Variants in HGS observed in about 807,000 individuals in gnomAD.
The protein encoded by HGS is hepatocyte growth factor-regulated tyrosine kinase substrate, also known as human growth factor-regulated tyrosine kinase substrate.
HGS carries 63 observed loss-of-function variants against 109.7 expected under a neutral mutation model. The observed-to-expected ratio is 0.57, with a 90% CI of 0.47 to 0.71. The LOEUF (loss-of-function observed/expected upper bound fraction) is 0.71. Among genes scored for constraint, HGS ranks in the 30% least tolerant of loss-of-function variants. The pLI, the probability that HGS is intolerant of heterozygous loss-of-function variation, is 0.00. For synonymous variants in HGS, 546 were observed against 437.3 expected, an observed-to-expected ratio of 1.25 and a Z score of -3.10; for missense variants, 995 against 1,068.3, an observed-to-expected ratio of 0.93 and a Z score of 0.96.
chr17:81,701,209 C>T (rs922278809), intron 21 of HGS, 78 bp downstream of exon 21: 3 of 1,286,976 alleles, frequency 2.3e-6, no homozygotes, highest in South Asian at 1.2e-5. Flanking sequence ...GGACCCCTGG[C>T]CCCAGTGGGG....
chr17:81,688,147 C>T (rs1391142958), intron 4 of HGS, among the ~76,000 whole-genome samples: 1 of 151,710 alleles, frequency 6.6e-6, no homozygotes, highest in Admixed American at 6.5e-5. Context: ...CGCCGTCCTG[C>T]ACGTCACACC....
chr17:81,691,660 T>A lies in HGS; in HGVS notation c.662+89T>A. The A allele has an allele frequency of 6.5e-7, 1 of 1,527,472 alleles. No homozygotes were observed. Among genetic ancestry groups the A allele is most frequent in the Non-Finnish European group, 9.0e-7 (1 of 1,111,438 alleles). 94.6% of individuals were successfully genotyped at this position (1,527,472 alleles called of 1,614,324 possible). A position where few individuals can be genotyped will look rare whatever the true frequency, so the allele number is the denominator to read the frequency against. ...CCTCTTGGCCATGGTGCCTGAGGCC[T>A]GCAGACCCCAGAGGACCCTCACAGC... On this transcript the variant is annotated intron_variant, in intron 8 of 21. Transcript: ENST00000329138. This position sits in a 1 kb window ranked among gnomAD's most constrained non-coding sequence, Gnocchi z 5.3.
chr17:81,694,310 C>T (rs535369882), intron 11 of HGS, among the ~76,000 whole-genome samples: 14 of 152,336 alleles, frequency 9.2e-5, no homozygotes, highest in Middle Eastern at 6.8e-3. Flanking sequence ...TGGCCTCAGC[C>T]CCGCTCTCAG....
chr17:81,690,689 G>T lies in HGS; in HGVS notation c.484G>T (p.Asp162Tyr). 6.2e-7 allele frequency: 1 copy of T among 1,613,064 alleles called. No individual in the cohort carries two copies. Among genetic ancestry groups the T allele is most frequent in the Non-Finnish European group, 8.5e-7 (1 of 1,179,754 alleles). ...FAAERAPDWVDAEECHRCRVQ... is the reference protein window; with the variant it reads ...FAAERAPDWVYAEECHRCRVQ... ...CCCTCCTCAGGCCCCAGACTGGGTG[G>T]ACGCTGAGGAATGCCACCGCTGCAG... The change falls in exon 7 of 22, where the codon GAC (aspartate) becomes TAC (tyrosine). Residue 162 changes from aspartate to tyrosine, a missense_variant. Coordinates refer to ENST00000329138, the MANE Select transcript of HGS (RefSeq NM_004712.5).
chr17:81,686,983 C>T lies in HGS; in HGVS notation c.199-20C>T. ...TGCCCTGACCACTGGCCCAACCCTT[C>T]CCTTCCTGGGCATCTGCAGGTCATG... On this transcript the variant is annotated intron_variant, in intron 3 of 21. Coordinates refer to ENST00000329138, the MANE Select transcript of HGS (RefSeq NM_004712.5). 3 of 1,605,336 alleles carry T rather than the reference C, an allele frequency of 1.9e-6. No individual in the cohort carries two copies. The highest frequency in any genetic ancestry group is 2.6e-6 in the Non-Finnish European group (3 of 1,174,212).
chr17:81,686,977 AC>A (rs1233027952), intron 3 of HGS, 25 bp from the exon 4 acceptor site: 2 of 1,599,738 alleles, frequency 1.3e-6, no homozygotes, highest in African/African-American at 1.3e-5. Context: ...CACTGGCCCA[AC>A]CCTTCCCTTC....
chr17:81,700,522 G>A lies in HGS; in HGVS notation c.1938G>A (p.Ala646=), dbSNP rs377212393. 7.7e-5 allele frequency: 124 copies of A among 1,607,964 alleles called. No individual in the cohort carries two copies. In the African/African-American group the frequency reaches 9.8e-4, roughly 13 times the overall value. ...CAGCAGGGGCCACTGGGGCGCAGGC[G>A]GCCCCCCAGGCCCAGGCCGGACCCA... is the stretch of plus-strand genomic sequence containing the variant. The part of the protein sequence containing the change: ...MYPAGATGAQ[A]APQAQAGPTA... Residue 646 remains alanine, a synonymous_variant, in exon 19 of 22, where the codon GCG becomes GCA. Transcript: ENST00000329138.
At position 81,701,565 on chromosome 17, in the gene HGS, G is replaced by A. The variant is rs1409855449; in HGVS notation, c.2281G>A (p.Ala761Thr). Residue 761 changes from alanine to threonine, a missense_variant, in exon 22 of 22, where the codon GCA becomes ACA. By Grantham distance (58) the Ala-to-Thr change is moderately conservative. Transcript: ENST00000329138. ...QQPPVAQQPQAQGPPAQGSEA... is the reference protein window; with the variant it reads ...QQPPVAQQPQTQGPPAQGSEA... ...GCCCCCCGTGGCCCAGCAACCGCAG[G>A]CACAGGGGCCGCCGGCACAGGGCAG... 4 of 1,572,036 alleles carry A rather than the reference G, an allele frequency of 2.5e-6. No homozygotes were observed. The highest frequency in any genetic ancestry group is 3.4e-6 in the Non-Finnish European group (4 of 1,166,280).
Position 81,691,687 on chromosome 17 carries a change from C to G in HGS, c.662+116C>G. 2 of 1,369,214 alleles carry G rather than the reference C, an allele frequency of 1.5e-6. No individual in the cohort carries two copies. Among genetic ancestry groups the G allele is most frequent in the Non-Finnish European group, 2.0e-6 (2 of 983,364 alleles). The allele number at this position is 1,369,214 out of a possible 1,614,324, so 84.8% of individuals were successfully genotyped here. On this transcript the variant is annotated intron_variant, in intron 8 of 21. Coordinates refer to ENST00000329138, the MANE Select transcript of HGS (RefSeq NM_004712.5). The surrounding 1 kb of genome is among the most constrained non-coding windows in gnomAD (Gnocchi z 5.3). ...CAGACCCCAGAGGACCCTCACAGCACAGCAGCTGGAAGGTCAAGGGAAACC... is the reference window on the plus strand; with the variant it reads ...CAGACCCCAGAGGACCCTCACAGCAGAGCAGCTGGAAGGTCAAGGGAAACC...
intron 3 of HGS, among the ~76,000 whole-genome samples, chr17:81,686,681 C>T (rs1234717294): frequency 2.6e-5 from 4 of 152,258 alleles, no homozygotes; most frequent in South Asian, 4.1e-4. Flanking sequence ...GACTTGGCGT[C>T]ACGGAGCGGT....
At chr17:81,685,222 G>T (rs543345136) in intron 1 of HGS, among the ~76,000 whole-genome samples, 185 of 152,320 alleles carry the variant, frequency 1.2e-3, no homozygotes, top group Middle Eastern at 3.4e-3. Flanking sequence ...GGCGAACGGG[G>T]ACTCCAAGGG....
intron 13 of HGS, 35 bp downstream of exon 13, chr17:81,695,102 G>A: frequency 1.2e-6 from 2 of 1,612,694 alleles, no homozygotes. Flanking sequence ...CTAGTGGCAG[G>A]GTCCCTTGGA....
In HGS at chr17:81,688,814, C is replaced by G. The variant is rs769176696; in HGVS notation, c.402C>G (p.Ile134Met). Residue 134 changes from isoleucine to methionine, a missense_variant, in exon 5 of 22, where the codon ATC becomes ATG. Coordinates refer to ENST00000329138, the MANE Select transcript of HGS (RefSeq NM_004712.5). ...AGGTGGTCCAGGACACCTACCAGAT[C>G]ATGAAGGTGGAGGGTGAGTCAGGAC... The part of the protein sequence containing the change: ...KYKVVQDTYQ[I>M]MKVEGHVFPE... The G allele has an allele frequency of 1.9e-6, 3 of 1,614,138 alleles. No individual in the cohort carries two copies. The South Asian group carries it at 3.3e-5, about 18-fold the overall frequency.
rs1435758188 is a variant in HGS, at chr17:81,686,999, G to C, written c.199-4G>C. 6.2e-7 allele frequency: 1 copy of C among 1,612,024 alleles called. No homozygotes were observed. The highest frequency in any genetic ancestry group is 8.5e-7 in the Non-Finnish European group (1 of 1,179,200). ...CCAACCCTTCCCTTCCTGGGCATCTGCAGGTCATGGAATCTGTGGTAAAGA... is the reference window on the plus strand; with the variant it reads ...CCAACCCTTCCCTTCCTGGGCATCTCCAGGTCATGGAATCTGTGGTAAAGA... On this transcript the variant is annotated splice_polypyrimidine_tract_variant and splice_region_variant and intron_variant, in intron 3 of 21. Transcript: ENST00000329138.
chr17:81,701,843 A>G lies in HGS; in HGVS notation c.*225A>G. 1 of 584,420 alleles carries G rather than the reference A, an allele frequency of 1.7e-6. No homozygotes were observed. Among genetic ancestry groups the G allele is most frequent in the Middle Eastern group, 3.0e-4 (1 of 3,368 alleles). The allele number at this position is 584,420 out of a possible 1,614,324, so 36.2% of individuals were successfully genotyped here. A position where few individuals can be genotyped will look rare whatever the true frequency, so the allele number is the denominator to read the frequency against. ...CCCCAGGGCTGGGCCATGGGGAGGG[A>G]AGGACTTTCTCCCAGGGGAAGCCCC... On this transcript the variant is annotated 3_prime_UTR_variant, in exon 22 of 22. Coordinates refer to ENST00000329138, the MANE Select transcript of HGS (RefSeq NM_004712.5).
Position 81,693,556 on chromosome 17 carries a change from C to T in HGS, c.716C>T (p.Thr239Ile), listed in dbSNP as rs1317017983. 12 of 1,612,464 alleles carry T rather than the reference C, an allele frequency of 7.4e-6. No homozygotes were observed. Among genetic ancestry groups the T allele is most frequent in the Non-Finnish European group, 9.3e-6 (11 of 1,179,080 alleles). The change falls in exon 9 of 22, where the codon ACC becomes ATC. Residue 239 changes from threonine (T) to isoleucine (I), a missense_variant. Physicochemically the swap from Thr to Ile is moderately conservative, Grantham distance 89. Coordinates refer to ENST00000329138, the MANE Select transcript of HGS (RefSeq NM_004712.5). ...STTELPPEYLTSPLSQQSQLP... is the reference protein window; with the variant it reads ...STTELPPEYLISPLSQQSQLP... ...ACTGAGCTGCCCCCCGAGTACCTGACCAGCCCCCTGTCTCAGCAGTCCCAG... is the reference window on the plus strand; with the variant it reads ...ACTGAGCTGCCCCCCGAGTACCTGATCAGCCCCCTGTCTCAGCAGTCCCAG...
chr17:81,696,595 T>C lies in HGS; in HGVS notation c.1567-12T>C. On this transcript the variant is annotated splice_polypyrimidine_tract_variant and intron_variant, in intron 16 of 21. Coordinates refer to ENST00000329138, the MANE Select transcript of HGS (RefSeq NM_004712.5). Reference sequence around the variant, plus strand: ...GACCTCGCAGCATAACCAGCATGTTTTTGCCGCACAGGAGTACCTGGAGGT... The same window carrying C: ...GACCTCGCAGCATAACCAGCATGTTCTTGCCGCACAGGAGTACCTGGAGGT... 8.2e-6 allele frequency: 13 copies of C among 1,583,456 alleles called. No homozygotes were observed. Among genetic ancestry groups the C allele is most frequent in the Non-Finnish European group, 1.1e-5 (13 of 1,161,966 alleles).
chr17:81,689,956 A>C (rs1446092194), intron 5 of HGS, among the ~76,000 whole-genome samples: 1 of 152,156 alleles, frequency 6.6e-6, no homozygotes, highest in Non-Finnish European at 1.5e-5. Flanking sequence ...GCAGTGTCTC[A>C]GGAAGAGGGC....
chr17:81,696,176 C>A lies in HGS; in HGVS notation c.1393+177C>A, dbSNP rs1598749018. On this transcript the variant is annotated intron_variant, in intron 15 of 21. Transcript: ENST00000329138. ...TCAGTGATGACCATGCCCTGCCCTGCCCTGCCCTGCCCTGCCCTGCCCTGC... is the reference window on the plus strand; with the variant it reads ...TCAGTGATGACCATGCCCTGCCCTGACCTGCCCTGCCCTGCCCTGCCCTGC... 1.6e-5 allele frequency: 14 copies of A among 863,884 alleles called. 1 individual carries two copies. The African/African-American group carries it at 1.7e-4, about 11-fold the overall frequency. 53.5% of individuals were successfully genotyped at this position (863,884 alleles called of 1,614,324 possible).
Sources: allele counts gnomAD v4.1 joint callset (sites outside exome capture counted in the v4.1 genomes callset), GRCh38; gene constraint gnomAD v4.1.1; non-coding constraint Gnocchi (gnomAD v3.1); transcripts MANE v1.5; gene names NCBI Gene and HGNC (gene_info 2026-07-23, HGNC 2026-07-21).